STK39: variants seen among roughly 807,000 people sequenced by gnomAD.
STK39 encodes STE20/SPS1-related proline-alanine-rich protein kinase.
Under a neutral mutation model 77.8 loss-of-function variants are expected in STK39, and 20 were observed. That is an observed-to-expected ratio of 0.26 (90% CI 0.18 to 0.37). STK39 has a LOEUF of 0.37. Ranked by LOEUF, STK39 falls within the 10% of genes least tolerant of loss-of-function variation. The probability of loss-of-function intolerance (pLI) is 1.00; values close to 1 mark genes in which losing one functional copy is unlikely to be tolerated. For missense variants in STK39, 479 were observed against 656.5 expected (o/e 0.73, Z 2.95); for synonymous variants, 246 against 234.1 (o/e 1.05, Z -0.47).
intron 16 of STK39, among the ~76,000 whole-genome samples, chr2:168,001,381 G>T (rs1301341127): frequency 6.6e-6 from 1 of 151,942 alleles, no homozygotes; most frequent in East Asian, 1.9e-4. Context: ...TCTATCGGCA[G>T]GTGACCAGTC....
intron 8 of STK39, among the ~76,000 whole-genome samples, chr2:168,135,731 C>T (rs975946322): frequency 1.3e-5 from 2 of 152,118 alleles, no homozygotes; most frequent in African/African-American, 2.4e-5. Context: ...TTTTTCCCCC[C>T]GCAAACTCAA....
At chr2:167,982,954 T>C (rs917628029) in intron 16 of STK39, among the ~76,000 whole-genome samples, 3 of 152,176 alleles carry the variant, frequency 2.0e-5, no homozygotes, top group African/African-American at 7.2e-5. Context: ...AAGGCCAAGG[T>C]AGCATGAGGA....
intron 8 of STK39, among the ~76,000 whole-genome samples, chr2:168,129,963 A>G (rs1306582675): frequency 6.6e-6 from 1 of 152,206 alleles, no homozygotes; most frequent in African/African-American, 2.4e-5. Context: ...TGCAAAACAC[A>G]TAAACTCCTG....
intron 2 of STK39, among the ~76,000 whole-genome samples, chr2:168,167,981 G>A (rs900453412): frequency 2.0e-5 from 3 of 152,208 alleles, no homozygotes; most frequent in Non-Finnish European, 4.4e-5. Flanking sequence ...GAGGTGGCAG[G>A]GAAGAGAGCG....
At chr2:168,127,342 G>A (rs1200608331) in intron 10 of STK39, among the ~76,000 whole-genome samples, 1 of 152,040 alleles carries the variant, frequency 6.6e-6, no homozygotes, top group African/African-American at 2.4e-5. Context: ...GTAGAGATGG[G>A]GTTTCACCAC....
chr2:167,996,480 A>G (rs1683841455), intron 16 of STK39, among the ~76,000 whole-genome samples: 1 of 152,224 alleles, frequency 6.6e-6, no homozygotes, highest in East Asian at 1.9e-4. Context: ...GGGGCTATGA[A>G]GGAGGATGCA....
At chr2:168,065,738 T>C (rs76886723) in intron 12 of STK39, among the ~76,000 whole-genome samples, 2,940 of 152,300 alleles carry the variant, frequency 0.019, 97 homozygotes, top group African/African-American at 0.066. Context: ...CCTAGGATAA[T>C]TTTTTCTTAT....
chr2:168,229,975 T>A (rs1295623837), intron 1 of STK39, among the ~76,000 whole-genome samples: 1 of 152,200 alleles, frequency 6.6e-6, no homozygotes, highest in African/African-American at 2.4e-5. Context: ...AATTAGTCTA[T>A]GAAACCTATA....
intron 1 of STK39, among the ~76,000 whole-genome samples, chr2:168,208,405 C>T (rs1689795730): frequency 6.6e-6 from 1 of 152,168 alleles, no homozygotes; most frequent in Non-Finnish European, 1.5e-5. Flanking sequence ...ACTTTTCTGA[C>T]AGTGGCTACG....
At chr2:167,999,967 G>T (rs1268727437) in intron 16 of STK39, among the ~76,000 whole-genome samples, 1 of 152,168 alleles carries the variant, frequency 6.6e-6, no homozygotes, top group East Asian at 1.9e-4. Context: ...TGGTGATACA[G>T]GTGAGGCTTC....
intron 2 of STK39, among the ~76,000 whole-genome samples, chr2:168,170,463 G>A (rs988183650): frequency 3.3e-5 from 5 of 152,194 alleles, no homozygotes; most frequent in Non-Finnish European, 2.9e-5. Flanking sequence ...AGGCAGAAGC[G>A]TGAGTTAAAG....
intron 1 of STK39, among the ~76,000 whole-genome samples, chr2:168,201,686 A>G (rs1689615652): frequency 6.6e-6 from 1 of 152,114 alleles, no homozygotes; most frequent in Admixed American, 6.6e-5. Context: ...GCTAGGAGGG[A>G]TCCTGTCCAT....
At chr2:167,970,196 T>C (rs1383359159) in intron 16 of STK39, among the ~76,000 whole-genome samples, 5 of 152,218 alleles carry the variant, frequency 3.3e-5, no homozygotes, top group Non-Finnish European at 5.9e-5. Flanking sequence ...TTCTTTCTCA[T>C]AGCACTTATC....
At chr2:168,167,731 T>C (rs145966430) in intron 2 of STK39, among the ~76,000 whole-genome samples, 26 of 152,254 alleles carry the variant, frequency 1.7e-4, no homozygotes, top group Non-Finnish European at 1.0e-4. Flanking sequence ...AAGAGCCTCA[T>C]ACCTGAACCG....
intron 5 of STK39, among the ~76,000 whole-genome samples, chr2:168,159,054 G>A (rs954292619): frequency 6.6e-6 from 1 of 152,036 alleles, no homozygotes; most frequent in Non-Finnish European, 1.5e-5. Flanking sequence ...GTAAAAGTGA[G>A]TGTTTCCCCT....
At position 168,145,947 on chromosome 2, in the gene STK39, G is replaced by A. The variant is rs145603755; in HGVS notation, c.629-5189C>T. Among the ~76,000 whole-genome samples, 19 of 152,286 alleles carry A rather than the reference G, an allele frequency of 1.2e-4. No homozygotes were observed. The South Asian group carries it at 2.1e-3, about 17-fold the overall frequency. ...TACATGTTAGAAATGGGCTTTCACT[G>A]CTGAAAATAAAGGTTCTTAGCACCA... On this transcript the variant is annotated intron_variant, in intron 5 of 17. Transcript: ENST00000355999.
chr2:168,028,224 A>T (rs1392894749), intron 14 of STK39, among the ~76,000 whole-genome samples: 1 of 152,214 alleles, frequency 6.6e-6, no homozygotes, highest in Non-Finnish European at 1.5e-5. Context: ...TAATACAATG[A>T]ATACACATGT....
intron 1 of STK39, among the ~76,000 whole-genome samples, chr2:168,198,026 G>A (rs1169843766): frequency 3.1e-5 from 4 of 130,636 alleles, no homozygotes; most frequent in Admixed American, 8.0e-5. Flanking sequence ...CAAAAAGAAC[G>A]AAACTCGGTC....
Position 167,964,730 on chromosome 2 carries a change from TAAAATATA to T in STK39, c.1499-12_1499-5del. On this transcript the variant is annotated splice_polypyrimidine_tract_variant and splice_region_variant and intron_variant, in intron 16 of 17. Transcript: ENST00000355999. Reference sequence around the variant, plus strand: ...ATCTTCTGTAAATTAGCAGCCACTGTAAAATATAAACGTAGAGAGAAAGTTTCCAGATT... The same window carrying T: ...ATCTTCTGTAAATTAGCAGCCACTGTAACGTAGAGAGAAAGTTTCCAGATT... 6.2e-7 allele frequency: 1 copy of T among 1,607,858 alleles called. No homozygotes were observed. Among genetic ancestry groups the T allele is most frequent in the Non-Finnish European group, 8.5e-7 (1 of 1,176,620 alleles).
Sources: allele counts gnomAD v4.1 joint callset (sites outside exome capture counted in the v4.1 genomes callset), GRCh38; gene constraint gnomAD v4.1.1; transcripts MANE v1.5; gene names NCBI Gene and HGNC (gene_info 2026-07-23, HGNC 2026-07-21).